The following WWOX variants were observed in gnomAD, a reference collection of about 807,000 sequenced individuals.
WWOX encodes WW domain containing oxidoreductase.
Under a neutral mutation model 46.2 loss-of-function variants are expected in WWOX, and 69 were observed. That is an observed-to-expected ratio of 1.49 (90% CI 1.23 to 1.82). WWOX has a LOEUF of 1.82. WWOX is among the 40% of genes most tolerant of loss of function. The pLI, the probability that WWOX is intolerant of heterozygous loss-of-function variation, is 0.00. For missense variants in WWOX, 919 were observed against 542.6 expected (o/e 1.69, Z -6.89); for synonymous variants, 359 against 202.6 (o/e 1.77, Z -6.56).
At chr16:79,074,346 A>G (rs778256405) in intron 8 of WWOX, among the ~76,000 whole-genome samples, 5 of 144,356 alleles carry the variant, frequency 3.5e-5, no homozygotes, top group Non-Finnish European at 6.0e-5. Flanking sequence ...TAAACATCTG[A>G]CTTCCTAAAA....
intron 8 of WWOX, among the ~76,000 whole-genome samples, chr16:78,531,284 A>G (rs1265662487): frequency 2.6e-5 from 4 of 152,134 alleles, no homozygotes; most frequent in African/African-American, 7.2e-5. Flanking sequence ...ATTCTCCGAG[A>G]TGGATGGTTG....
chr16:78,725,838 T>G (rs1030390675), intron 8 of WWOX, among the ~76,000 whole-genome samples: 4 of 152,086 alleles, frequency 2.6e-5, no homozygotes, highest in African/African-American at 9.7e-5. Context: ...TTCCTTGGCT[T>G]GTAGGTGCAT....
rs549516367 is a variant in WWOX at position 78,528,948 on chromosome 16, C to CT, written c.1056+96199dup. On this transcript the variant is annotated intron_variant, in intron 8 of 8. Transcript: ENST00000566780. ...TTTTCTTTCCTTTTTCTTTTCTTTT[C>CT]TTTCTTTCTTTCTTTTTTTTTTTTA... 1.3e-3 allele frequency among the ~76,000 whole-genome samples: 186 copies of CT among 138,364 alleles called. 4 individuals are homozygous for CT. The South Asian group carries it at 0.042, about 32-fold the overall frequency. The allele number at this position is 138,364 out of a possible 152,430, so 90.8% of individuals were successfully genotyped here.
chr16:78,395,673 AATT>A (rs2082268323), intron 6 of WWOX, among the ~76,000 whole-genome samples: 1 of 152,240 alleles, frequency 6.6e-6, no homozygotes, highest in South Asian at 2.1e-4. Flanking sequence ...AGCCAAGAGA[AATT>A]ATTGTTACTG....
intron 8 of WWOX, among the ~76,000 whole-genome samples, chr16:79,047,701 T>G (rs927515317): frequency 2.1e-5 from 3 of 140,348 alleles, no homozygotes; most frequent in East Asian, 2.0e-4. Context: ...TTTTTTTTTT[T>G]GCTTGTCAGT....
chr16:78,674,338 G>A (rs2047539732), intron 8 of WWOX, among the ~76,000 whole-genome samples: 1 of 149,494 alleles, frequency 6.7e-6, no homozygotes, highest in African/African-American at 2.5e-5. Flanking sequence ...AGGCTGGAGT[G>A]CAGTGGTGCG....
chr16:78,408,638 G>T (rs1416458109), intron 6 of WWOX, among the ~76,000 whole-genome samples: 1 of 152,222 alleles, frequency 6.6e-6, no homozygotes, highest in African/African-American at 2.4e-5. Flanking sequence ...GAAGGAACTT[G>T]TGTCATTCCG....
At chr16:79,163,975 C>T (rs1038634574) in intron 8 of WWOX, among the ~76,000 whole-genome samples, 1 of 151,268 alleles carries the variant, frequency 6.6e-6, no homozygotes, top group South Asian at 2.1e-4. Context: ...TGCAGGGTGT[C>T]TGTGGGCATG....
chr16:78,941,740 A>G (rs1177542602), intron 8 of WWOX, among the ~76,000 whole-genome samples: 1 of 152,200 alleles, frequency 6.6e-6, no homozygotes, highest in African/African-American at 2.4e-5. Context: ...AAGGCAGTTA[A>G]TCGCCTTACA....
At chr16:78,570,574 A>C (rs1230819371) in intron 8 of WWOX, among the ~76,000 whole-genome samples, 1 of 151,988 alleles carries the variant, frequency 6.6e-6, no homozygotes, top group Non-Finnish European at 1.5e-5. Flanking sequence ...TCTGCCTCTC[A>C]AAGTACAGGG....
At chr16:78,579,345 C>G (rs913655710) in intron 8 of WWOX, among the ~76,000 whole-genome samples, 3 of 152,044 alleles carry the variant, frequency 2.0e-5, no homozygotes, top group Non-Finnish European at 2.9e-5. Flanking sequence ...GACAGGGAGG[C>G]AGGGCAGGCT....
At chr16:78,770,620 A>G (rs1479688001) in intron 8 of WWOX, among the ~76,000 whole-genome samples, 1 of 152,146 alleles carries the variant, frequency 6.6e-6, no homozygotes, top group African/African-American at 2.4e-5. Context: ...GTCTCTGGAA[A>G]TCAGCCTGCA....
intron 5 of WWOX, chr16:78,267,119 G>A: frequency 6.4e-6 from 1 of 156,404 alleles, no homozygotes. Context: ...GGCCTCCTCA[G>A]CCATGTGGAA....
At chr16:79,211,513 G>C (rs146710575) in intron 8 of WWOX, 95 bp from the exon 9 acceptor site, 12 of 1,515,552 alleles carry the variant, frequency 7.9e-6, no homozygotes, top group South Asian at 2.3e-5. Flanking sequence ...TGAACCAGGT[G>C]GGGGAGGCCT....
intron 4 of WWOX, among the ~76,000 whole-genome samples, chr16:78,127,832 T>G (rs1485238037): frequency 1.3e-5 from 2 of 152,196 alleles, no homozygotes; most frequent in Non-Finnish European, 2.9e-5. Context: ...TAGGACAGTT[T>G]TATTGGCGTC....
At chr16:79,053,769 CA>C (rs1162158947) in intron 8 of WWOX, among the ~76,000 whole-genome samples, 1 of 152,058 alleles carries the variant, frequency 6.6e-6, no homozygotes, top group East Asian at 1.9e-4. Context: ...TATAGTTATG[CA>C]AATGAAAACC....
At position 78,219,285 on chromosome 16, in the gene WWOX, G is replaced by GATGA. The variant is rs368205729; in HGVS notation, c.516+54998_516+55001dup. Among the ~76,000 whole-genome samples the GATGA allele has an allele frequency of 4.4e-3, 669 of 152,252 alleles. 5 individuals carry two copies. The highest frequency in any genetic ancestry group is 0.015 in the African/African-American group (619 of 41,552). ...TAGTTAATATGTTAATATGAATCTA[G>GATGA]ATGAACATTGAGTGTTTTGCTCTTC... On this transcript the variant is annotated intron_variant, in intron 5 of 8. Transcript: ENST00000566780.
intron 8 of WWOX, among the ~76,000 whole-genome samples, chr16:78,624,024 G>C (rs1219066573): frequency 4.6e-5 from 7 of 152,112 alleles, no homozygotes; most frequent in Non-Finnish European, 8.8e-5. Flanking sequence ...TATAGATGAG[G>C]AAAGTAAGAA....
chr16:78,414,326 C>T (rs117850419), intron 6 of WWOX, among the ~76,000 whole-genome samples: 3,637 of 152,246 alleles, frequency 0.024, 51 homozygotes, highest in Middle Eastern at 0.031. Context: ...CACATGGACA[C>T]GTGTAACAGA....
Sources: gnomAD v4.1 joint callset for allele counts (sites outside exome capture counted in the v4.1 genomes callset) on GRCh38, gnomAD v4.1.1 for gene constraint, MANE v1.5 for transcripts, NCBI Gene and HGNC (gene_info 2026-07-23, HGNC 2026-07-21) for gene names.